Variants in ACSM1 observed in about 807,000 individuals in gnomAD.
ACSM1 encodes the protein acyl-coenzyme A synthetase ACSM1, mitochondrial.
A neutral mutation model predicts 75.8 loss-of-function variants in ACSM1; 79 were observed. The observed-to-expected ratio is 1.04, with a 90% CI of 0.87 to 1.26. The LOEUF is 1.26. Among genes scored for constraint, ACSM1 ranks in the 50% most tolerant of loss-of-function variants. The pLI is 0.00. For missense variants in ACSM1, 676 were observed against 720.1 expected (o/e 0.94, Z 0.70); for synonymous variants, 279 against 265.8 (o/e 1.05, Z -0.48).
At chr16:20,696,872 G>A (rs2079692439) in intron 1 of ACSM1, among the ~76,000 whole-genome samples, 1 of 152,210 alleles carries the variant, frequency 6.6e-6, no homozygotes, top group African/African-American at 2.4e-5. Flanking sequence ...AGGGCTAGAT[G>A]TTTGTCTCTG....
intron 2 of ACSM1, among the ~76,000 whole-genome samples, chr16:20,687,812 G>A (rs932746181): frequency 7.2e-5 from 11 of 152,050 alleles, no homozygotes; most frequent in Non-Finnish European, 1.5e-4. Context: ...GGCCAGGCAC[G>A]GTGGCTCATG....
chr16:20,683,283 AT>A (rs1270641089), intron 3 of ACSM1, among the ~76,000 whole-genome samples: 3 of 151,732 alleles, frequency 2.0e-5, no homozygotes, highest in Non-Finnish European at 4.4e-5. Flanking sequence ...ATGCCCAGCT[AT>A]TTTTTATTAT....
rs115506140 is a variant in ACSM1, at chr16:20,679,005, G to A, written c.611+3251C>T. 5.5e-3 allele frequency among the ~76,000 whole-genome samples: 833 copies of A among 152,204 alleles called. 9 individuals carry two copies. The highest frequency in any genetic ancestry group is 0.019 in the African/African-American group (790 of 41,512). On this transcript the variant is annotated intron_variant, in intron 4 of 13. Transcript: ENST00000520010. ...ATGGCCATGCAAAAATGCATGGCTA[G>A]GTATAGAAAAATGCCTATAAGTCTA...
chr16:20,691,373 A>G, intron 1 of ACSM1, 134 bp from the exon 2 acceptor site: 1 of 518,944 alleles, frequency 1.9e-6, no homozygotes, highest in South Asian at 3.2e-5. Flanking sequence ...CCCCTGATTG[A>G]TTTTGGTGGG....
intron 1 of ACSM1, among the ~76,000 whole-genome samples, chr16:20,693,163 C>T (rs2079671113): frequency 1.4e-5 from 2 of 148,046 alleles, no homozygotes; most frequent in African/African-American, 2.5e-5. Flanking sequence ...GAGCAAAATT[C>T]CGTCTCAAAA....
intron 10 of ACSM1, among the ~76,000 whole-genome samples, chr16:20,631,257 G>A (rs1334594807): frequency 6.6e-6 from 1 of 152,136 alleles, no homozygotes; most frequent in African/African-American, 2.4e-5. Flanking sequence ...GAACCCTACT[G>A]GAGTTGCTTT....
chr16:20,640,692 C>T, intron 7 of ACSM1, 108 bp from the exon 8 acceptor site: 1 of 1,524,444 alleles, frequency 6.6e-7, no homozygotes, highest in South Asian at 1.3e-5. Context: ...TCCTCACTTT[C>T]TTATTTACTT....
At chr16:20,676,172 A>G (rs900400743) in intron 4 of ACSM1, 1 of 152,370 alleles carries the variant, frequency 6.6e-6, no homozygotes, top group Non-Finnish European at 1.5e-5. Flanking sequence ...GAAAGGCTGG[A>G]AAAGTCAGGG....
At chr16:20,623,719 T>A in intron 13 of ACSM1, 147 bp from the exon 14 acceptor site, 1 of 850,818 alleles carries the variant, frequency 1.2e-6, no homozygotes, top group Non-Finnish European at 1.8e-6. Flanking sequence ...GTATTTCAGG[T>A]TCTCCCCCTG....
rs2019916424 is a variant in ACSM1, at chr16:20,671,681, G to A, written c.612-10C>T. 1 of 1,525,102 alleles carries A rather than the reference G, an allele frequency of 6.6e-7. No individual in the cohort carries two copies. The highest frequency in any genetic ancestry group is 8.8e-7 in the Non-Finnish European group (1 of 1,133,654). The allele number at this position is 1,525,102 out of a possible 1,614,324, so 94.5% of individuals were successfully genotyped here. A position where few individuals can be genotyped will look rare whatever the true frequency, so the allele number is the denominator to read the frequency against. Reference sequence around the variant, plus strand: ...TTCTGGGGATGCTGATCTGCAAAGGGGTTCAAGACAAAAGGAAAAAAGTCA... The same window carrying A: ...TTCTGGGGATGCTGATCTGCAAAGGAGTTCAAGACAAAAGGAAAAAAGTCA... On this transcript the variant is annotated splice_polypyrimidine_tract_variant and intron_variant, in intron 4 of 13. Transcript: ENST00000520010.
Position 20,675,550 on chromosome 16 carries a change from G to A in ACSM1, c.612-3879C>T, listed in dbSNP as rs1023829712. Among the ~76,000 whole-genome samples, 5 of 152,298 alleles carry A rather than the reference G, an allele frequency of 3.3e-5. No homozygotes were observed. In the East Asian group the frequency reaches 5.8e-4, roughly 18 times the overall value. Reference sequence around the variant, plus strand: ...GGGAGGAAATGGGAGGAAAAGCATGGAAACCAACTCCTTTTGGAGTGCATG... The same window carrying A: ...GGGAGGAAATGGGAGGAAAAGCATGAAAACCAACTCCTTTTGGAGTGCATG... On this transcript the variant is annotated intron_variant, in intron 4 of 13. Transcript: ENST00000520010.
At position 20,669,903 on chromosome 16, in the gene ACSM1, A is replaced by C. The variant is rs555477510; in HGVS notation, c.836T>G (p.Leu279Arg). Residue 279 changes from leucine (L) to arginine (R), a missense_variant, in exon 6 of 14, where the codon CTG becomes CGG. By Grantham distance (102) the Leu-to-Arg change is moderately radical (BLOSUM62 -2). Coordinates refer to ENST00000520010, the MANE Select transcript of ACSM1 (RefSeq NM_001318890.3). ...SGWIVATIWT[L>R]VEPWTAGCTV... The stretch of plus-strand genomic sequence containing the variant: ...ACAACCCGCTGTCCATGGTTCTACC[A>C]GGGTCCAAATGGTAGCCACAATCCA... 29 of 1,613,994 alleles carry C rather than the reference A, an allele frequency of 1.8e-5. No homozygotes were observed. The highest frequency in any genetic ancestry group is 1.3e-4 in the South Asian group (12 of 91,076).
intron 6 of ACSM1, among the ~76,000 whole-genome samples, chr16:20,666,262 G>A (rs116466961): frequency 6.6e-5 from 10 of 152,186 alleles, no homozygotes; most frequent in Non-Finnish European, 8.8e-5. Context: ...TTCCTGGAAC[G>A]GATAAACAAC....
intron 7 of ACSM1, among the ~76,000 whole-genome samples, chr16:20,655,272 G>T (rs918993364): frequency 7.0e-6 from 1 of 143,104 alleles, no homozygotes; most frequent in Admixed American, 6.9e-5. Flanking sequence ...GGGGGAGGGA[G>T]CACATTAGGA....
At position 20,682,355 on chromosome 16, in the gene ACSM1, T is replaced by C. The variant is rs1416361412; in HGVS notation, c.512A>G (p.Glu171Gly). The C allele has an allele frequency of 6.2e-7, 1 of 1,614,010 alleles. No homozygotes were observed. Among genetic ancestry groups the C allele is most frequent in the African/African-American group, 1.3e-5 (1 of 75,012 alleles). ...GIVTIDALAS[E>G]VDSIASQCPS... ...GCACTGAGAAGCTATGGAGTCCACC[T>C]CTGAGGCAAGGGCATCTATGGTCAC... Residue 171 changes from glutamate (E) to glycine (G), a missense_variant, in exon 4 of 14, where the codon GAG (glutamate) becomes GGG (glycine). Transcript: ENST00000520010.
intron 1 of ACSM1, among the ~76,000 whole-genome samples, chr16:20,694,550 C>G (rs2079679616): frequency 6.6e-6 from 1 of 152,172 alleles, no homozygotes; most frequent in Non-Finnish European, 1.5e-5. Flanking sequence ...TGCAATTTTT[C>G]TATGCAGGTG....
In ACSM1 at chr16:20,640,440, T is replaced by C. The variant is rs544937639; in HGVS notation, c.1116+21A>G. 10 of 1,614,076 alleles carry C rather than the reference T, an allele frequency of 6.2e-6. No individual in the cohort carries two copies. The South Asian group carries it at 9.9e-5, about 16-fold the overall frequency. ...ATTAATTGAGACCTGTCTCAGACAC[T>C]TTCTGGTTTGCACCACCTACCGTTT... On this transcript the variant is annotated intron_variant, in intron 8 of 13. Coordinates refer to ENST00000520010, the MANE Select transcript of ACSM1 (RefSeq NM_001318890.3).
At chr16:20,653,777 A>G (rs550549505) in intron 7 of ACSM1, among the ~76,000 whole-genome samples, 3 of 152,350 alleles carry the variant, frequency 2.0e-5, no homozygotes, top group East Asian at 1.9e-4. Context: ...ATGGAAGAAC[A>G]TTCCATGCTC....
rs1361245707 is a variant in ACSM1 at position 20,654,519 on chromosome 16, T to A, written c.992+7275A>T. Among the ~76,000 whole-genome samples the A allele has an allele frequency of 2.0e-5, 3 of 152,152 alleles. No homozygotes were observed. In the East Asian group the frequency reaches 5.8e-4, roughly 29 times the overall value. On this transcript the variant is annotated intron_variant, in intron 7 of 13. Transcript: ENST00000520010. ...CTACTCATCTGACAAAGGGCTAATA[T>A]CCAGAATCTACAAACAACTCAAACA... is the stretch of plus-strand genomic sequence containing the variant.
Sources: gnomAD v4.1 joint callset for allele counts (sites outside exome capture counted in the v4.1 genomes callset) on GRCh38, gnomAD v4.1.1 for gene constraint, MANE v1.5 for transcripts, NCBI Gene and HGNC (gene_info 2026-07-23, HGNC 2026-07-21) for gene names.